The following REDIC1 variants were observed in gnomAD, a reference collection of about 807,000 sequenced individuals.
The protein encoded by REDIC1 is regulator of DNA class I crossover intermediates 1, also known as HEI10 Interacting Protein 1.
At chr12:39,668,706 T>G in the REDIC1 span, among the ~76,000 whole-genome samples, 8 of 152,314 alleles carry the variant, frequency 5.3e-5, no homozygotes, top group Non-Finnish European at 1.0e-4. Context: ...CAGACATAGA[T>G]TTGGTCTTTT....
the REDIC1 span, among the ~76,000 whole-genome samples, chr12:39,750,940 A>G: frequency 3.9e-5 from 6 of 152,326 alleles, no homozygotes; most frequent in Non-Finnish European, 8.8e-5. Flanking sequence ...TACATGTTAG[A>G]CCTGAAACCA....
chr12:39,665,572 A>G, the REDIC1 span, among the ~76,000 whole-genome samples: 2 of 150,378 alleles, frequency 1.3e-5, no homozygotes, highest in Non-Finnish European at 1.5e-5. Context: ...TTTTGGTTCC[A>G]TATGAACTTT....
At chr12:39,777,417 G>C in the REDIC1 span, among the ~76,000 whole-genome samples, 1 of 152,202 alleles carries the variant, frequency 6.6e-6, no homozygotes, top group Admixed American at 6.5e-5. Context: ...GAAGGGAAGT[G>C]CTGGGAAGGG....
chr12:39,766,542 C>T, the REDIC1 span, among the ~76,000 whole-genome samples: 12 of 152,128 alleles, frequency 7.9e-5, no homozygotes. Flanking sequence ...GTGGCAATTT[C>T]TCAAAATAAG....
the REDIC1 span, chr12:39,721,395 T>A: frequency 1.5e-6 from 1 of 668,928 alleles, no homozygotes. Context: ...ATATTCACGG[T>A]TCATGTTAAA....
At chr12:39,683,428 T>C in the REDIC1 span, 2 of 1,597,978 alleles carry the variant, frequency 1.3e-6, no homozygotes, top group Non-Finnish European at 1.7e-6. Flanking sequence ...AATTTGAAAA[T>C]GATTACCAAG....
the REDIC1 span, among the ~76,000 whole-genome samples, chr12:39,680,422 T>C: frequency 6.6e-6 from 1 of 152,054 alleles, no homozygotes; most frequent in African/African-American, 2.4e-5. Context: ...AAAACCACAA[T>C]GCAATCACCA....
At chr12:39,841,552 A>G in the REDIC1 span, among the ~76,000 whole-genome samples, 1 of 152,108 alleles carries the variant, frequency 6.6e-6, no homozygotes, top group Admixed American at 6.6e-5. Context: ...ATATAAATGT[A>G]TATCTATATA....
chr12:39,720,910 A>G, the REDIC1 span: 1 of 1,613,670 alleles, frequency 6.2e-7, no homozygotes, highest in Non-Finnish European at 8.5e-7. Context: ...AGGTGACAGG[A>G]TTGTTAAAAA....
the REDIC1 span, among the ~76,000 whole-genome samples, chr12:39,671,016 C>A: frequency 6.6e-6 from 1 of 151,912 alleles, no homozygotes; most frequent in Non-Finnish European, 1.5e-5. Context: ...ATTTCGAATT[C>A]TTTTTCAGGT....
the REDIC1 span, chr12:39,643,901 C>G: frequency 6.4e-7 from 1 of 1,553,876 alleles, no homozygotes; most frequent in South Asian, 1.2e-5. Flanking sequence ...AGATATCTTG[C>G]AAGAAGAAAA....
At chr12:39,701,797 G>T in the REDIC1 span, among the ~76,000 whole-genome samples, 1 of 151,842 alleles carries the variant, frequency 6.6e-6, no homozygotes, top group Non-Finnish European at 1.5e-5. Context: ...ACTCAAAACC[G>T]CTCAACTACA....
chr12:39,858,066 C>T, the REDIC1 span, among the ~76,000 whole-genome samples: 3 of 152,246 alleles, frequency 2.0e-5, no homozygotes, highest in Non-Finnish European at 2.9e-5. Flanking sequence ...AAAGTTATGG[C>T]GAACTCAAAG....
chr12:39,711,717 GTATGCACATGCA>G, the REDIC1 span, among the ~76,000 whole-genome samples: 548 of 18,000 alleles, frequency 0.03, 11 homozygotes, highest in Admixed American at 0.081. Context: ...ACATGCATGT[GTATGCACATGCA>G]TGTGTGTATG....
the REDIC1 span, among the ~76,000 whole-genome samples, chr12:39,779,698 T>C: frequency 6.6e-6 from 1 of 152,252 alleles, no homozygotes; most frequent in African/African-American, 2.4e-5. Flanking sequence ...CTAAGAAATC[T>C]ATGTCTATTT....
chr12:39,650,193 A>G, the REDIC1 span: 1 of 1,479,294 alleles, frequency 6.8e-7, no homozygotes, highest in South Asian at 1.4e-5. The surrounding 1 kb of genome is among the most constrained non-coding windows in gnomAD (Gnocchi z 4.3). Context: ...AATTGTATAT[A>G]TGTACATTTA....
At chr12:39,753,848 A>G in the REDIC1 span, among the ~76,000 whole-genome samples, 1 of 152,170 alleles carries the variant, frequency 6.6e-6, no homozygotes, top group Non-Finnish European at 1.5e-5. Flanking sequence ...TTTATAGACA[A>G]TGAAAGTGAG....
chr12:39,686,907 A>G, the REDIC1 span, among the ~76,000 whole-genome samples: 3 of 152,182 alleles, frequency 2.0e-5, no homozygotes, highest in East Asian at 5.8e-4. Flanking sequence ...GATATCCTAA[A>G]TTAATCACCT....
chr12:39,712,872 TAC>T, the REDIC1 span, among the ~76,000 whole-genome samples: 3 of 146,164 alleles, frequency 2.1e-5, no homozygotes, highest in Admixed American at 6.8e-5. Flanking sequence ...TACACGTATA[TAC>T]ACGTATATAC....
Sources: allele counts gnomAD v4.1 joint callset (sites outside exome capture counted in the v4.1 genomes callset), GRCh38; gene constraint gnomAD v4.1.1; non-coding constraint Gnocchi (gnomAD v3.1); transcripts MANE v1.5; gene names NCBI Gene and HGNC (gene_info 2026-07-23, HGNC 2026-07-21).